Variants in PCDHGB3 observed in about 807,000 individuals in gnomAD.
PCDHGB3 encodes protocadherin gamma-B3.
PCDHGB3 carries 40 observed loss-of-function variants against 59.2 expected under a neutral mutation model. That is an observed-to-expected ratio of 0.68 (90% CI 0.52 to 0.88). PCDHGB3 has a LOEUF of 0.88. Ranked by LOEUF, PCDHGB3 falls within the 40% of genes least tolerant of loss-of-function variation. PCDHGB3 has a pLI of 0.00. For missense variants in PCDHGB3, 1,309 were observed against 1,187.9 expected (o/e 1.10, Z -1.50); for synonymous variants, 581 against 503.6 (o/e 1.15, Z -2.06).
rs960870975 is a variant in PCDHGB3 at position 141,417,761 on chromosome 5, C to T, written c.2415+44952C>T. On this transcript the variant is annotated intron_variant, in intron 1 of 3. Coordinates refer to ENST00000576222, the MANE Select transcript of PCDHGB3 (RefSeq NM_018924.5). ...ACACCAGATTGCCAGCTCCGAGACC[C>T]GGGACTCCTCCTGTCCTGGGCCGAA... is the stretch of plus-strand genomic sequence containing the variant. 1.8e-5 allele frequency: 26 copies of T among 1,438,736 alleles called. No homozygotes were observed. The East Asian group carries it at 5.0e-4, about 28-fold the overall frequency. The allele number at this position is 1,438,736 out of a possible 1,614,324, so 89.1% of individuals were successfully genotyped here.
intron 1 of PCDHGB3, chr5:141,419,364 C>T (rs1360235541): frequency 1.1e-5 from 18 of 1,613,690 alleles, no homozygotes; most frequent in Non-Finnish European, 1.3e-5. Flanking sequence ...CGAACGCTGT[C>T]GTCCTACGTG....
chr5:141,438,806 C>T (rs866521707), intron 1 of PCDHGB3, among the ~76,000 whole-genome samples: 20 of 149,390 alleles, frequency 1.3e-4, no homozygotes, highest in Admixed American at 6.7e-4. Flanking sequence ...GGATTACAGG[C>T]GCCTGTCACC....
intron 1 of PCDHGB3, chr5:141,422,092 G>C: frequency 6.2e-7 from 1 of 1,611,520 alleles, no homozygotes; most frequent in Non-Finnish European, 8.5e-7. Flanking sequence ...GGAAAGCAAG[G>C]CTTCTGAAAT....
At chr5:141,375,666 T>C (rs1771733109) in intron 1 of PCDHGB3, 1 of 1,614,122 alleles carries the variant, frequency 6.2e-7, no homozygotes, top group African/African-American at 1.3e-5. Context: ...TTGAGAGACC[T>C]ACAGCTGTGG....
At chr5:141,423,495 C>T in intron 1 of PCDHGB3, 1 of 1,613,946 alleles carries the variant, frequency 6.2e-7, no homozygotes, top group African/African-American at 1.3e-5. Context: ...CCTATTCCCA[C>T]GAGGTCTCTC....
chr5:141,392,187 AT>A (rs1221931532), intron 1 of PCDHGB3: 1 of 152,234 alleles, frequency 6.6e-6, no homozygotes, highest in Non-Finnish European at 1.5e-5. Context: ...CAGTAGGTCT[AT>A]TTTAGTCTCA....
intron 1 of PCDHGB3, among the ~76,000 whole-genome samples, chr5:141,443,479 C>G (rs1285767691): frequency 6.6e-6 from 1 of 152,144 alleles, no homozygotes; most frequent in African/African-American, 2.4e-5. Context: ...GAATTAGACC[C>G]TGTCCCAAAA....
intron 1 of PCDHGB3, chr5:141,410,353 C>T: frequency 1.9e-6 from 3 of 1,614,078 alleles, no homozygotes; most frequent in Non-Finnish European, 2.5e-6. Flanking sequence ...GCCTGCGACG[C>T]TCTCTCAGCC....
chr5:141,489,794 T>TA lies in PCDHGB3; in HGVS notation c.2416-5009dup. The TA allele has an allele frequency of 1.2e-6, 2 of 1,614,120 alleles. No homozygotes were observed. The highest frequency in any genetic ancestry group is 2.2e-5 in the South Asian group (2 of 91,076). The stretch of plus-strand genomic sequence containing the variant: ...CACTTCTCTCTGAATGTGAAGACCC[T>TA]AAAAGATGGGAAGCCATTCCCAGAG... On this transcript the variant is annotated intron_variant, in intron 1 of 3. Transcript: ENST00000576222. This position sits in a 1 kb window ranked among gnomAD's most constrained non-coding sequence, Gnocchi z 4.5.
At chr5:141,407,978 A>T (rs1354199341) in intron 1 of PCDHGB3, 8 of 743,974 alleles carry the variant, frequency 1.1e-5, no homozygotes, top group Non-Finnish European at 1.4e-5. Flanking sequence ...GACGCCGGGG[A>T]TCCGTCAGCC....
intron 1 of PCDHGB3, among the ~76,000 whole-genome samples, chr5:141,482,442 C>T (rs942933015): frequency 1.4e-5 from 2 of 147,678 alleles, no homozygotes; most frequent in Non-Finnish European, 3.0e-5. Flanking sequence ...CTGATATTCA[C>T]CATTTATTAG....
chr5:141,400,023 C>A (rs755667675), intron 1 of PCDHGB3: 38 of 1,612,754 alleles, frequency 2.4e-5, no homozygotes, highest in Non-Finnish European at 3.2e-5. Flanking sequence ...GCGACAGGGA[C>A]GCGGCCCGCC....
chr5:141,494,844 C>T lies in PCDHGB3; in HGVS notation c.2453C>T (p.Ala818Val). The change falls in exon 2 of 4, where the codon GCC becomes GTC. Residue 818 changes from alanine to valine, a missense_variant. Ala to Val is a moderately conservative substitution (Grantham distance 64). Coordinates refer to ENST00000576222, the MANE Select transcript of PCDHGB3 (RefSeq NM_018924.5). ...PPNTDWRFSQ[A>V]QRPGTSGSQN... The stretch of plus-strand genomic sequence containing the variant: ...AACACGGACTGGCGTTTCTCTCAGG[C>T]CCAGAGACCCGGCACCAGCGGGTAG... The T allele has an allele frequency of 6.2e-7, 1 of 1,614,190 alleles. No homozygotes were observed. The highest frequency in any genetic ancestry group is 8.5e-7 in the Non-Finnish European group (1 of 1,180,028).
chr5:141,477,168 A>C lies in PCDHGB3; in HGVS notation c.2416-17639A>C, dbSNP rs763187246. 1 of 1,614,210 alleles carries C rather than the reference A, an allele frequency of 6.2e-7. No homozygotes were observed. The highest frequency in any genetic ancestry group is 8.5e-7 in the Non-Finnish European group (1 of 1,180,040). On this transcript the variant is annotated intron_variant, in intron 1 of 3. Transcript: ENST00000576222. This position sits in a 1 kb window ranked among gnomAD's most constrained non-coding sequence, Gnocchi z 4.9. ...GTGGATGTGAATGACAACGCCCCGG[A>C]GATCACAGTCACCTCCGTGTACAGC...
rs2094474207 is a variant in PCDHGB3 at position 141,403,989 on chromosome 5, A to C, written c.2415+31180A>C. On this transcript the variant is annotated intron_variant, in intron 1 of 3. Coordinates refer to ENST00000576222, the MANE Select transcript of PCDHGB3 (RefSeq NM_018924.5). ...GAAGATGTAAATGACAATAGACCTG[A>C]AGTGACCATTACATCTCTGTTTAGC... The C allele has an allele frequency of 1.2e-6, 2 of 1,613,868 alleles. No homozygotes were observed. Among genetic ancestry groups the C allele is most frequent in the Middle Eastern group, 1.6e-4 (1 of 6,062 alleles).
At chr5:141,451,018 C>T (rs1307161489) in intron 1 of PCDHGB3, among the ~76,000 whole-genome samples, 7 of 151,264 alleles carry the variant, frequency 4.6e-5, no homozygotes, top group African/African-American at 1.5e-4. Flanking sequence ...TTAGTAGAGA[C>T]GAGGTTTCAC....
At chr5:141,387,089 G>A (rs1034064461) in intron 1 of PCDHGB3, among the ~76,000 whole-genome samples, 1 of 152,162 alleles carries the variant, frequency 6.6e-6, no homozygotes, top group Non-Finnish European at 1.5e-5. Flanking sequence ...TGTGATCATC[G>A]AAATGAGAAT....
Position 141,383,564 on chromosome 5 carries a change from G to A in PCDHGB3, c.2415+10755G>A, listed in dbSNP as rs767546411. On this transcript the variant is annotated intron_variant, in intron 1 of 3. Coordinates refer to ENST00000576222, the MANE Select transcript of PCDHGB3 (RefSeq NM_018924.5). ...GCCTCTGATGGCGGCGACCCGCCCC[G>A]ATCCAGCACCGCCCACATCCAGGTG... 6.2e-6 allele frequency: 10 copies of A among 1,612,926 alleles called. No homozygotes were observed. In the East Asian group the frequency reaches 6.7e-5, roughly 11 times the overall value.
chr5:141,418,125 G>A (rs765373450), intron 1 of PCDHGB3: 2 of 1,614,086 alleles, frequency 1.2e-6, no homozygotes, highest in Middle Eastern at 1.7e-4. Flanking sequence ...GTGAAGGACC[G>A]AATAGACCGT....
Sources: allele counts gnomAD v4.1 joint callset (sites outside exome capture counted in the v4.1 genomes callset), GRCh38; gene constraint gnomAD v4.1.1; non-coding constraint Gnocchi (gnomAD v3.1); transcripts MANE v1.5; gene names NCBI Gene and HGNC (gene_info 2026-07-23, HGNC 2026-07-21).